The following ADAMTS12 variants were observed in gnomAD, a reference collection of about 807,000 sequenced individuals.
ADAMTS12 encodes the protein ADAM metallopeptidase with thrombospondin type 1 motif 12, also known as A disintegrin and metalloproteinase with thrombospondin motifs 12.
In ADAMTS12, 118 loss-of-function variants were observed where a neutral mutation model predicts 167.8. The observed-to-expected ratio is 0.70, with a 90% CI of 0.61 to 0.82. The LOEUF is 0.82. Ranked by LOEUF, ADAMTS12 falls within the 40% of genes least tolerant of loss-of-function variation. The pLI, the probability that ADAMTS12 is intolerant of heterozygous loss-of-function variation, is 0.00. For synonymous variants in ADAMTS12, 704 were observed against 716.9 expected (o/e 0.98, Z 0.29); for missense variants, 1,916 against 1,998.8 (o/e 0.96, Z 0.79).
At chr5:33,736,069 T>C (rs200247878) in intron 3 of ADAMTS12, among the ~76,000 whole-genome samples, 3 of 151,138 alleles carry the variant, frequency 2.0e-5, no homozygotes, top group Non-Finnish European at 2.9e-5. Context: ...TTTTTTTTTT[T>C]CTTTTTTTTT....
intron 1 of ADAMTS12, among the ~76,000 whole-genome samples, chr5:33,889,054 T>C (rs1750749597): frequency 6.6e-6 from 1 of 152,216 alleles, no homozygotes; most frequent in Non-Finnish European, 1.5e-5. Flanking sequence ...TGGAACCCTG[T>C]GCAATTCCCT....
chr5:33,835,967 G>A (rs1437169008), intron 2 of ADAMTS12, among the ~76,000 whole-genome samples: 4 of 112,146 alleles, frequency 3.6e-5, no homozygotes, highest in African/African-American at 1.5e-4. Context: ...GTGTGTGTGT[G>A]TGTCCATCTG....
At chr5:33,705,294 T>TGTGTGTGTGC (rs1554036502) in intron 3 of ADAMTS12, among the ~76,000 whole-genome samples, 4 of 151,830 alleles carry the variant, frequency 2.6e-5, no homozygotes, top group East Asian at 1.9e-4. Context: ...TGTGTGTGTG[T>TGTGTGTGTGC]GTGTGTGTGC....
At chr5:33,799,358 C>G (rs949686755) in intron 2 of ADAMTS12, among the ~76,000 whole-genome samples, 5 of 152,214 alleles carry the variant, frequency 3.3e-5, no homozygotes, top group African/African-American at 9.6e-5. Flanking sequence ...CACTGAGACT[C>G]ATTCTACCTC....
At chr5:33,760,244 T>C (rs1745300460) in intron 2 of ADAMTS12, among the ~76,000 whole-genome samples, 1 of 152,166 alleles carries the variant, frequency 6.6e-6, no homozygotes, top group South Asian at 2.1e-4. Context: ...TAACACTTAG[T>C]TAACCTTCAT....
intron 5 of ADAMTS12, among the ~76,000 whole-genome samples, chr5:33,663,132 C>T (rs528568751): frequency 1.4e-4 from 22 of 152,342 alleles, no homozygotes; most frequent in African/African-American, 4.3e-4. Flanking sequence ...GTGAAAACAC[C>T]GAAAGGTGGC....
intron 2 of ADAMTS12, among the ~76,000 whole-genome samples, chr5:33,848,120 G>C (rs925127197): frequency 1.2e-4 from 18 of 152,054 alleles, no homozygotes; most frequent in Admixed American, 1.0e-3. Context: ...AGGAGGCTGA[G>C]GCAGGAGAGT....
intron 2 of ADAMTS12, among the ~76,000 whole-genome samples, chr5:33,835,993 G>C (rs1748511688): frequency 6.8e-6 from 1 of 146,150 alleles, no homozygotes; most frequent in Non-Finnish European, 1.5e-5. Flanking sequence ...TTTATGCTAA[G>C]ACCCAAATAA....
chr5:33,858,378 C>A (rs1579997716), intron 2 of ADAMTS12, among the ~76,000 whole-genome samples: 1 of 152,120 alleles, frequency 6.6e-6, no homozygotes, highest in East Asian at 1.9e-4. Flanking sequence ...AGGACAAGTC[C>A]AGGTGTGCTG....
At chr5:33,645,875 G>A (rs968494896) in intron 9 of ADAMTS12, among the ~76,000 whole-genome samples, 1 of 152,062 alleles carries the variant, frequency 6.6e-6, no homozygotes, top group African/African-American at 2.4e-5. Context: ...GAGTGTCAGG[G>A]ATAAAAATTT....
At chr5:33,695,143 A>G (rs1742707532) in intron 3 of ADAMTS12, among the ~76,000 whole-genome samples, 1 of 152,242 alleles carries the variant, frequency 6.6e-6, no homozygotes, top group African/African-American at 2.4e-5. Flanking sequence ...ATTTGCAACT[A>G]AAGAGATGAT....
At chr5:33,581,831 C>T (rs1450435062) in intron 18 of ADAMTS12, among the ~76,000 whole-genome samples, 1 of 151,960 alleles carries the variant, frequency 6.6e-6, no homozygotes, top group Non-Finnish European at 1.5e-5. Context: ...TAATGGTATC[C>T]ACATCAAAAG....
intron 11 of ADAMTS12, among the ~76,000 whole-genome samples, chr5:33,639,056 G>T (rs1401294763): frequency 6.6e-6 from 1 of 152,156 alleles, no homozygotes; most frequent in African/African-American, 2.4e-5. Context: ...AGATGGATCT[G>T]AATAAGTTAC....
At chr5:33,549,471 T>C in intron 20 of ADAMTS12, 88 bp from the exon 21 acceptor site, 1 of 1,486,678 alleles carries the variant, frequency 6.7e-7, no homozygotes, top group South Asian at 1.3e-5. Flanking sequence ...GCGCCAGGCA[T>C]TCAGTCATAA....
intron 2 of ADAMTS12, among the ~76,000 whole-genome samples, chr5:33,775,669 C>T (rs992834251): frequency 1.1e-4 from 17 of 152,142 alleles, no homozygotes; most frequent in African/African-American, 3.1e-4. Flanking sequence ...TGCAGAAATA[C>T]GAAATGATGC....
chr5:33,692,741 G>A (rs1025276083), intron 3 of ADAMTS12, among the ~76,000 whole-genome samples: 8 of 152,126 alleles, frequency 5.3e-5, no homozygotes, highest in Non-Finnish European at 1.2e-4. Context: ...AGTTGATAAG[G>A]TATAAATAAA....
intron 3 of ADAMTS12, among the ~76,000 whole-genome samples, chr5:33,750,380 A>C (rs1269297607): frequency 6.6e-6 from 1 of 152,220 alleles, no homozygotes; most frequent in African/African-American, 2.4e-5. Context: ...GGAAGTTGCT[A>C]TCTGGCATAG....
At chr5:33,765,261 C>T (rs72741453) in intron 2 of ADAMTS12, among the ~76,000 whole-genome samples, 9,333 of 152,224 alleles carry the variant, frequency 0.061, 425 homozygotes, top group Non-Finnish European at 0.097. Flanking sequence ...CTTCATCAGG[C>T]AAGTCTTAAG....
intron 18 of ADAMTS12, among the ~76,000 whole-genome samples, chr5:33,577,718 C>T (rs1279556317): frequency 6.6e-6 from 1 of 151,456 alleles, no homozygotes; most frequent in Non-Finnish European, 1.5e-5. Flanking sequence ...TCACCATACT[C>T]ACACAGGTGC....
Sources: allele counts gnomAD v4.1 joint callset (sites outside exome capture counted in the v4.1 genomes callset), GRCh38; gene constraint gnomAD v4.1.1; transcripts MANE v1.5; gene names NCBI Gene and HGNC (gene_info 2026-07-23, HGNC 2026-07-21).